The following PEX5 variants were observed in gnomAD, a reference collection of about 807,000 sequenced individuals.
PEX5 encodes the protein PTS1 receptor.
A neutral mutation model predicts 82.9 loss-of-function variants in PEX5; 52 were observed. The observed-to-expected ratio is 0.63, with a 90% CI of 0.50 to 0.79. The LOEUF is 0.79. Ranked by LOEUF, PEX5 falls within the 30% of genes least tolerant of loss-of-function variation. The probability of loss-of-function intolerance (pLI) is 0.00; values close to 1 mark genes in which losing one functional copy is unlikely to be tolerated. For missense variants in PEX5, 719 were observed against 815.2 expected (o/e 0.88, Z 1.44); for synonymous variants, 300 against 318.8 (o/e 0.94, Z 0.63).
rs748630711 is a variant in PEX5 at position 7,210,269 on chromosome 12, G to A, written c.*46G>A. 29 of 1,568,636 alleles carry A rather than the reference G, an allele frequency of 1.8e-5. No homozygotes were observed. Among genetic ancestry groups the A allele is most frequent in the Admixed American group, 5.0e-5 (3 of 59,940 alleles). On this transcript the variant is annotated 3_prime_UTR_variant, in exon 16 of 16. Transcript: ENST00000675855. ...TGAGTGTCCACCTGGAGGGATCCCC[G>A]CTTTGGATGTGATTCCCTCTCCCCA...
intron 5 of PEX5, among the ~76,000 whole-genome samples, chr12:7,194,681 C>T (rs752855018): frequency 3.3e-5 from 5 of 152,298 alleles, no homozygotes; most frequent in Admixed American, 2.6e-4. Context: ...TAAAACACAT[C>T]TTCAGGGTTC....
In PEX5 at chr12:7,210,071, C is replaced by G. The variant is rs139347001; in HGVS notation, c.1768C>G (p.Arg590Gly). The change falls in exon 16 of 16, where the codon CGG becomes GGG. Residue 590 changes from arginine (R) to glycine (G), a missense_variant. Arg to Gly is a moderately radical substitution (Grantham distance 125, BLOSUM62 -2). Coordinates refer to ENST00000675855, the MANE Select transcript of PEX5 (RefSeq NM_001351132.2). ...LEALNMQRKS[R>G]GPRGEGGAMS... Reference sequence around the variant, plus strand: ...GGCCCTGAACATGCAGAGGAAAAGCCGGGGCCCCCGGGGTGAAGGAGGTGC... The same window carrying G: ...GGCCCTGAACATGCAGAGGAAAAGCGGGGGCCCCCGGGGTGAAGGAGGTGC... The G allele has an allele frequency of 5.0e-6, 8 of 1,614,214 alleles. No individual in the cohort carries two copies. The highest frequency in any genetic ancestry group is 6.8e-6 in the Non-Finnish European group (8 of 1,180,032).
downstream of PEX5, among the ~76,000 whole-genome samples, chr12:7,212,358 C>G (rs1945633325): frequency 6.6e-6 from 1 of 151,070 alleles, no homozygotes; most frequent in East Asian, 2.0e-4. Context: ...AACTCCTGGC[C>G]TCAAGGAATC....
At chr12:7,213,264 A>C (rs1202055116), downstream of PEX5, among the ~76,000 whole-genome samples, 1 of 151,908 alleles carries the variant, frequency 6.6e-6, no homozygotes, top group African/African-American at 2.4e-5. Context: ...AGCCCACATC[A>C]CCAAGTCAAT....
At position 7,208,640 on chromosome 12, in the gene PEX5, C is replaced by A. The variant is rs1383386030; in HGVS notation, c.1365C>A (p.Ser455Arg). The A allele has an allele frequency of 3.1e-6, 5 of 1,613,840 alleles. No individual in the cohort carries two copies. In the Admixed American group the frequency reaches 8.3e-5, roughly 27 times the overall value. ...CTGGTGGGGCAGGACTGGGCCCCAG[C>A]AAGCGTATCCTGGGATCTCTCTTGT... is the stretch of plus-strand genomic sequence containing the variant. Reference protein sequence around the residue: ...EGAGGAGLGPSKRILGSLLSD... With the variant: ...EGAGGAGLGPRKRILGSLLSD... Residue 455 changes from serine (S) to arginine (R), a missense_variant, in exon 13 of 16, where the codon AGC becomes AGA. By Grantham distance (110) the Ser-to-Arg change is moderately radical (BLOSUM62 -1). Coordinates refer to ENST00000675855, the MANE Select transcript of PEX5 (RefSeq NM_001351132.2).
intron 10 of PEX5, 33 bp downstream of exon 10, chr12:7,203,584 A>T (rs774351476): frequency 6.2e-7 from 1 of 1,602,346 alleles, no homozygotes; most frequent in Non-Finnish European, 8.5e-7. Flanking sequence ...TTCAGGTTCC[A>T]GAACTTCCTT....
chr12:7,199,495 A>T (rs767704279), intron 6 of PEX5, among the ~76,000 whole-genome samples: 1 of 151,228 alleles, frequency 6.6e-6, no homozygotes, highest in Non-Finnish European at 1.5e-5. Flanking sequence ...AACACAGCAC[A>T]TGTTTCAGAG....
chr12:7,192,358 G>A (rs1941306666), intron 5 of PEX5, among the ~76,000 whole-genome samples: 1 of 152,202 alleles, frequency 6.6e-6, no homozygotes. Flanking sequence ...GGATTTGAAT[G>A]ATTCCTGACC....
chr12:7,194,342 C>T (rs1486192833), intron 5 of PEX5, among the ~76,000 whole-genome samples: 1 of 152,064 alleles, frequency 6.6e-6, no homozygotes, highest in African/African-American at 2.4e-5. Context: ...TAGGAAGGTT[C>T]TGTATACCCT....
chr12:7,217,952 T>C (rs1007020939), intron 17 of PEX5, among the ~76,000 whole-genome samples: 1 of 152,136 alleles, frequency 6.6e-6, no homozygotes, highest in Non-Finnish European at 1.5e-5. Context: ...GCAAGAGACG[T>C]GCAGTTTCAG....
In PEX5 at chr12:7,196,057, A is replaced by G. The variant is rs1942025328; in HGVS notation, c.449-2954A>G. Among the ~76,000 whole-genome samples the G allele has an allele frequency of 2.0e-5, 3 of 146,358 alleles. No individual in the cohort carries two copies. The South Asian group carries it at 6.3e-4, about 31-fold the overall frequency. On this transcript the variant is annotated intron_variant, in intron 5 of 15. Coordinates refer to ENST00000675855, the MANE Select transcript of PEX5 (RefSeq NM_001351132.2). ...ATTATATATATTATATATACATTTTACATTATATATAATGTATATATAATG... is the reference window on the plus strand; with the variant it reads ...ATTATATATATTATATATACATTTTGCATTATATATAATGTATATATAATG...
At chr12:7,213,321 T>C (rs1486480300), downstream of PEX5, among the ~76,000 whole-genome samples, 2 of 152,088 alleles carry the variant, frequency 1.3e-5, no homozygotes, top group African/African-American at 4.8e-5. Flanking sequence ...ACCTGACTTC[T>C]TCAAACTATA....
chr12:7,190,282 T>A (rs1042838529), intron 1 of PEX5, 80 bp from the exon 2 acceptor site: 1 of 1,593,554 alleles, frequency 6.3e-7, no homozygotes, highest in Non-Finnish European at 8.5e-7. Flanking sequence ...CTGTGTGCCT[T>A]CCTCAGATAC....
At chr12:7,201,925 T>A in intron 7 of PEX5, 84 bp downstream of exon 7, 3 of 991,114 alleles carry the variant, frequency 3.0e-6, no homozygotes, top group Non-Finnish European at 4.8e-6. Flanking sequence ...CAGTTTAGTT[T>A]AAAGAGAAGG....
intron 10 of PEX5, among the ~76,000 whole-genome samples, chr12:7,204,844 G>C (rs1665020555): frequency 6.6e-6 from 1 of 150,394 alleles, no homozygotes; most frequent in Non-Finnish European, 1.5e-5. Context: ...CAGACACATA[G>C]AACAATGTGA....
At chr12:7,217,204 G>A (rs767348126) in intron 17 of PEX5, among the ~76,000 whole-genome samples, 130 of 152,304 alleles carry the variant, frequency 8.5e-4, no homozygotes, top group African/African-American at 3.1e-3. Flanking sequence ...AAAGTTTTTC[G>A]TAAAGGGCAA....
chr12:7,190,958 C>G, intron 3 of PEX5, 35 bp downstream of exon 3: 1 of 1,590,282 alleles, frequency 6.3e-7, no homozygotes, highest in Non-Finnish European at 8.6e-7. Flanking sequence ...TCCCATTTTT[C>G]TCTTGCCCAC....
chr12:7,194,760 C>T (rs1941792092), intron 5 of PEX5, among the ~76,000 whole-genome samples: 1 of 152,144 alleles, frequency 6.6e-6, no homozygotes, highest in Non-Finnish European at 1.5e-5. Context: ...GATAAACCTG[C>T]ACTTTCATGG....
intron 5 of PEX5, among the ~76,000 whole-genome samples, chr12:7,196,326 C>A: frequency 1.6e-5 from 2 of 122,712 alleles, no homozygotes; most frequent in South Asian, 2.6e-4. Flanking sequence ...TTATATATGT[C>A]ATAATTTATA....
Sources: allele counts gnomAD v4.1 joint callset (sites outside exome capture counted in the v4.1 genomes callset), GRCh38; gene constraint gnomAD v4.1.1; transcripts MANE v1.5; gene names NCBI Gene and HGNC (gene_info 2026-07-23, HGNC 2026-07-21).